TAMM41: variants seen among roughly 807,000 people sequenced by gnomAD.
The protein encoded by TAMM41 is phosphatidate cytidylyltransferase, mitochondrial.
Under a neutral mutation model 44.1 loss-of-function variants are expected in TAMM41, and 36 were observed. The observed-to-expected ratio is 0.82, with a 90% CI of 0.63 to 1.08. TAMM41 has a LOEUF of 1.08. TAMM41 is among the 50% of genes least tolerant of loss of function. The pLI, the probability that TAMM41 is intolerant of heterozygous loss-of-function variation, is 0.00. For synonymous variants in TAMM41, 164 were observed against 153.1 expected (o/e 1.07, Z -0.53); for missense variants, 417 against 404.3 (o/e 1.03, Z -0.27).
At chr3:11,752,062 C>A in the TAMM41 span, among the ~76,000 whole-genome samples, 1 of 152,156 alleles carries the variant, frequency 6.6e-6, no homozygotes, top group Non-Finnish European at 1.5e-5. Context: ...AAAACAAGGT[C>A]ATTGTGTGTC....
At chr3:11,742,852 T>C in the TAMM41 span, among the ~76,000 whole-genome samples, 3 of 152,036 alleles carry the variant, frequency 2.0e-5, no homozygotes, top group Non-Finnish European at 2.9e-5. Context: ...TGCCTTGGCC[T>C]CCCAAAGTGC....
chr3:11,844,107 C>T lies in TAMM41; in HGVS notation c.240G>A (p.Gly80=). Residue 80 remains glycine, a synonymous_variant, in exon 2 of 8, where the codon GGG becomes GGA. Transcript: ENST00000455809. ...TCTGGATGGACGTGATAATCTTGGG[C>T]CCTAAAACTTTTAGGAAAGAGTAGT... ...WSHYSFLKVL[G]PKIITSIQNN... 6.2e-7 allele frequency: 1 copy of T among 1,614,166 alleles called. No homozygotes were observed. Among genetic ancestry groups the T allele is most frequent in the Non-Finnish European group, 8.5e-7 (1 of 1,180,024 alleles).
chr3:11,763,641 T>G, the TAMM41 span, among the ~76,000 whole-genome samples: 1 of 152,220 alleles, frequency 6.6e-6, no homozygotes, highest in African/African-American at 2.4e-5. Flanking sequence ...CACAGTAATT[T>G]CCCATAATAT....
the TAMM41 span, among the ~76,000 whole-genome samples, chr3:11,725,676 G>A: frequency 6.6e-6 from 1 of 152,146 alleles, no homozygotes; most frequent in African/African-American, 2.4e-5. Flanking sequence ...CTGGGCTCAA[G>A]CAATCATCCC....
the TAMM41 span, among the ~76,000 whole-genome samples, chr3:11,725,250 CCTCCTT>C: frequency 0.074 from 10,021 of 135,738 alleles, 480 homozygotes; most frequent in South Asian, 0.12. Context: ...TCCTCCCCCT[CCTCCTT>C]CTCCTTTTCT....
At chr3:11,806,757 A>G (rs2077921271) in intron 7 of TAMM41, among the ~76,000 whole-genome samples, 1 of 152,202 alleles carries the variant, frequency 6.6e-6, no homozygotes, top group South Asian at 2.1e-4. Flanking sequence ...TCCCGGTAAA[A>G]CAGATAAAAC....
chr3:11,829,875 C>T lies in TAMM41; in HGVS notation c.412-11G>A. The T allele has an allele frequency of 6.2e-7, 1 of 1,613,428 alleles. No homozygotes were observed. Among genetic ancestry groups the T allele is most frequent in the Non-Finnish European group, 8.5e-7 (1 of 1,179,736 alleles). ...TGAGATAATTTTCACCTGAAAGAAG[C>T]AGAACATTGGGAAGAAAAATTCCAG... is the stretch of plus-strand genomic sequence containing the variant. On this transcript the variant is annotated splice_polypyrimidine_tract_variant and intron_variant, in intron 3 of 7. Coordinates refer to ENST00000455809, the MANE Select transcript of TAMM41 (RefSeq NM_001284401.2).
chr3:11,825,244 T>G lies in TAMM41; in HGVS notation c.562+4470A>C, dbSNP rs556319684. Among the ~76,000 whole-genome samples the G allele has an allele frequency of 5.9e-4, 90 of 152,354 alleles. 2 individuals are homozygous for G. In the South Asian group the frequency reaches 7.7e-3, roughly 13 times the overall value. On this transcript the variant is annotated intron_variant, in intron 4 of 7. Coordinates refer to ENST00000455809, the MANE Select transcript of TAMM41 (RefSeq NM_001284401.2). Reference sequence around the variant, plus strand: ...TACATTTCAGGGACTGAATGAATGTTACAATACCTGACACACAGTACTAGT... The same window carrying G: ...TACATTTCAGGGACTGAATGAATGTGACAATACCTGACACACAGTACTAGT...
At chr3:11,726,089 C>G in the TAMM41 span, among the ~76,000 whole-genome samples, 5 of 152,370 alleles carry the variant, frequency 3.3e-5, no homozygotes, top group East Asian at 9.6e-4. Context: ...GGCTGCCAAT[C>G]TGAATTGCTC....
chr3:11,729,199 T>G, the TAMM41 span, among the ~76,000 whole-genome samples: 2 of 152,128 alleles, frequency 1.3e-5, no homozygotes. Context: ...TTTGTCCTCA[T>G]GCAAGGAATT....
chr3:11,741,861 G>A, the TAMM41 span, among the ~76,000 whole-genome samples: 2 of 150,006 alleles, frequency 1.3e-5, no homozygotes, highest in Non-Finnish European at 2.9e-5. Flanking sequence ...TGGGATACCT[G>A]ACAGTCAATT....
chr3:11,815,749 A>C (rs1323571952), intron 5 of TAMM41, among the ~76,000 whole-genome samples: 2 of 152,180 alleles, frequency 1.3e-5, no homozygotes, highest in Non-Finnish European at 2.9e-5. Flanking sequence ...CCCTTCTTCC[A>C]GGATGGCAAA....
intron 7 of TAMM41, among the ~76,000 whole-genome samples, chr3:11,801,448 C>G (rs769689799): frequency 5.1e-4 from 78 of 152,218 alleles, no homozygotes; most frequent in Non-Finnish European, 1.0e-3. Flanking sequence ...CCTCAGCCTC[C>G]TGAGTAGCTG....
chr3:11,836,583 C>T (rs2125050734), intron 3 of TAMM41, among the ~76,000 whole-genome samples: 1 of 152,336 alleles, frequency 6.6e-6, no homozygotes, highest in Admixed American at 6.5e-5. Context: ...CCTGCCTCAG[C>T]CTCCCGAATG....
chr3:11,833,164 G>C (rs1225131356), intron 3 of TAMM41: 2 of 1,284,618 alleles, frequency 1.6e-6, no homozygotes, highest in East Asian at 5.6e-5. Flanking sequence ...GGGAAAAAAA[G>C]AAAGTGCTCA....
At chr3:11,779,286 T>A in the TAMM41 span, among the ~76,000 whole-genome samples, 1 of 152,114 alleles carries the variant, frequency 6.6e-6, no homozygotes. Context: ...ACGAGCCAAA[T>A]AAACCTTTAC....
the TAMM41 span, among the ~76,000 whole-genome samples, chr3:11,778,097 T>A: frequency 6.6e-6 from 1 of 152,188 alleles, no homozygotes; most frequent in Admixed American, 6.5e-5. Flanking sequence ...ACAGTCTGCA[T>A]CAGTATTTCA....
the TAMM41 span, among the ~76,000 whole-genome samples, chr3:11,723,602 C>CA: frequency 3.3e-3 from 460 of 137,748 alleles, 3 homozygotes; most frequent in Non-Finnish European, 5.3e-3. Context: ...AAAACAAAAA[C>CA]AAAAAAAAAA....
At chr3:11,807,505 A>C (rs948542386) in intron 7 of TAMM41, 1 of 1,536,094 alleles carries the variant, frequency 6.5e-7, no homozygotes, top group Non-Finnish European at 8.7e-7. Context: ...GGGGGAGCAC[A>C]GATGCTGCTG....
Sources: allele counts gnomAD v4.1 joint callset (sites outside exome capture counted in the v4.1 genomes callset), GRCh38; gene constraint gnomAD v4.1.1; transcripts MANE v1.5; gene names NCBI Gene and HGNC (gene_info 2026-07-23, HGNC 2026-07-21).